NOP2: variants seen among roughly 807,000 people sequenced by gnomAD.
NOP2 encodes NOP2 nucleolar protein.
In NOP2, 7 loss-of-function variants were observed where a neutral mutation model predicts 72.7. The observed-to-expected ratio is 0.10, with a 90% confidence interval of 0.05 to 0.18. The LOEUF is 0.18. NOP2 is among the 10% of genes least tolerant of loss of function. The pLI is 1.00. For missense variants in NOP2, 954 were observed against 1,014.7 expected, an observed-to-expected ratio of 0.94 and a Z score of 0.81; for synonymous variants, 387 against 388.0, an observed-to-expected ratio of 1.00 and a Z score of 0.03.
At position 6,557,289 on chromosome 12, in the gene NOP2, T is replaced by C. The variant is rs566938099; in HGVS notation, c.2143A>G (p.Arg715Gly). 10 of 1,614,036 alleles carry C rather than the reference T, an allele frequency of 6.2e-6. No individual in the cohort carries two copies. The South Asian group carries it at 9.9e-5, about 16-fold the overall frequency. The change falls in exon 16 of 16, where the codon AGG (arginine) becomes GGG (glycine). Residue 715 changes from arginine (R) to glycine (G), a missense_variant. This residue lies in a region of NOP2 where 269 missense variants were observed against 260.2 expected (regional missense o/e 1.03). Coordinates refer to ENST00000322166, the MANE Select transcript of NOP2 (RefSeq NM_001258308.2). The part of the protein sequence containing the change: ...LQSSKKVAFL[R>G]QNAPPKGTDT... ...GTGCCCTTGGGAGGGGCATTCTGCC[T>C]GAGGAAAGCAACTTTCTTGGAGGAC...
At chr12:6,564,069 G>A (rs1947716960) in intron 5 of NOP2, 123 bp from the exon 6 acceptor site, 24 of 1,533,034 alleles carry the variant, frequency 1.6e-5, no homozygotes, top group Non-Finnish European at 2.0e-5. Context: ...GAAGGAAATA[G>A]AGGAGCAAAG....
At chr12:6,558,162 A>AAAAAAAAAAAAAAC (rs1947551536) in intron 15 of NOP2, 1 of 394,838 alleles carries the variant, frequency 2.5e-6, no homozygotes. Context: ...AAAAAAAAAA[A>AAAAAAAAAAAAAAC]AAATCACTGC....
At chr12:6,564,800 T>C (rs1023391818) in intron 5 of NOP2, among the ~76,000 whole-genome samples, 2 of 152,122 alleles carry the variant, frequency 1.3e-5, no homozygotes, top group African/African-American at 2.4e-5. Flanking sequence ...GTTTGTTTCT[T>C]GCTTTTTAGA....
chr12:6,557,996 C>A, intron 15 of NOP2: 3 of 338,776 alleles, frequency 8.9e-6, no homozygotes, highest in South Asian at 2.3e-5. Context: ...CAAAAATTAG[C>A]CAGGGATGGT....
intron 15 of NOP2, among the ~76,000 whole-genome samples, chr12:6,558,525 A>G (rs573610609): frequency 3.3e-5 from 5 of 152,040 alleles, no homozygotes; most frequent in South Asian, 4.2e-4. Context: ...TCAGCCACCC[A>G]AAGTGCTGGG....
In NOP2 at chr12:6,560,903, C is replaced by A; in HGVS notation, c.1347+28G>T. 1 of 1,613,204 alleles carries A rather than the reference C, an allele frequency of 6.2e-7. No individual in the cohort carries two copies. Among genetic ancestry groups the A allele is most frequent in the Non-Finnish European group, 8.5e-7 (1 of 1,179,444 alleles). On this transcript the variant is annotated intron_variant, in intron 12 of 15. Coordinates refer to ENST00000322166, the MANE Select transcript of NOP2 (RefSeq NM_001258308.2). This position sits in a 1 kb window ranked among gnomAD's most constrained non-coding sequence, Gnocchi z 5.0. ...AGGGAGAAGGTCAACCGGAAGAAGC[C>A]TCAGAAGACACACAGCTCGAGTCTC...
chr12:6,567,947 G>A (rs779498640), intron 1 of NOP2, 25 bp from the exon 2 acceptor site: 3 of 1,581,944 alleles, frequency 1.9e-6, no homozygotes, highest in Non-Finnish European at 2.6e-6. Context: ...AATGGGAGAA[G>A]GTGGCGTCGC....
Position 6,560,495 on chromosome 12 carries a change from C to T in NOP2, c.1512G>A (p.Ala504=), listed in dbSNP as rs530290213. ...LLLSAIDSVN[A]TSKTGGYLVY... ...CCAGGTAGCCTCCTGTCTTGGAGGT[C>T]GCATTGACAGAGTCAATAGCACTCA... The change falls in exon 14 of 16, where the codon GCG becomes GCA. Residue 504 remains alanine (A), a synonymous_variant. Transcript: ENST00000322166. This position sits in a 1 kb window ranked among gnomAD's most constrained non-coding sequence, Gnocchi z 5.0. 8.1e-6 allele frequency: 13 copies of T among 1,605,436 alleles called. No individual in the cohort carries two copies. The highest frequency in any genetic ancestry group is 5.1e-5 in the Admixed American group (3 of 58,796).
chr12:6,567,402 C>G (rs1231718327), intron 2 of NOP2: 2 of 214,246 alleles, frequency 9.3e-6, no homozygotes, highest in Non-Finnish European at 1.9e-5. Context: ...TACTACTACT[C>G]GGCATGAAGC....
chr12:6,560,574 C>G lies in NOP2; in HGVS notation c.1438-5G>C, dbSNP rs1156265067. 1 of 1,596,786 alleles carries G rather than the reference C, an allele frequency of 6.3e-7. No homozygotes were observed. Among genetic ancestry groups the G allele is most frequent in the Non-Finnish European group, 8.5e-7 (1 of 1,169,636 alleles). On this transcript the variant is annotated splice_region_variant and splice_polypyrimidine_tract_variant and intron_variant, in intron 13 of 15. Transcript: ENST00000322166. The surrounding 1 kb of genome is among the most constrained non-coding windows in gnomAD (Gnocchi z 5.0). ...GCGCAGGATGTCCTTCTCATCCTGT[C>G]CCAAAAAGAGACCCAAAGGCAGCCT...
chr12:6,564,079 G>C (rs1219879452), intron 5 of NOP2, 133 bp from the exon 6 acceptor site: 2 of 1,529,974 alleles, frequency 1.3e-6, no homozygotes, highest in Non-Finnish European at 1.7e-6. Flanking sequence ...GAGGAGCAAA[G>C]AAATGAAAAT....
intron 2 of NOP2, among the ~76,000 whole-genome samples, chr12:6,567,244 C>T (rs1176843613): frequency 2.0e-5 from 3 of 152,186 alleles, no homozygotes; most frequent in Non-Finnish European, 4.4e-5. Context: ...TCTCACAGGA[C>T]TCTAAGATGA....
intron 5 of NOP2, among the ~76,000 whole-genome samples, chr12:6,565,250 C>T (rs1318606728): frequency 6.6e-6 from 1 of 151,678 alleles, no homozygotes; most frequent in Non-Finnish European, 1.5e-5. Flanking sequence ...ACCTCCCAAG[C>T]TCCAGTCATC....
At chr12:6,561,136 C>T in intron 11 of NOP2, 66 bp from the exon 12 acceptor site, 1 of 1,583,154 alleles carries the variant, frequency 6.3e-7, no homozygotes, top group African/African-American at 1.3e-5. Flanking sequence ...CTCCCACCCT[C>T]CTGTCCAGGA....
In NOP2 at chr12:6,563,740, C is replaced by T. The variant is rs1380791569; in HGVS notation, c.562G>A (p.Glu188Lys). ...IQWSEEETED[E>K]EEEKEVTPES... ...GGGGTCACTTCTTTCTCTTCCTCCT[C>T]GTCCTCGGTCTCCTCTTCACTCCAC... Residue 188 changes from glutamate to lysine, a missense_variant, in exon 7 of 16, where the codon GAG becomes AAG. Around this residue, in one of 3 missense-constraint regions of NOP2, gnomAD observed 498 missense variants for 478.3 expected, o/e 1.04. Coordinates refer to ENST00000322166, the MANE Select transcript of NOP2 (RefSeq NM_001258308.2). 1.9e-6 allele frequency: 3 copies of T among 1,613,050 alleles called. No individual in the cohort carries two copies. The highest frequency in any genetic ancestry group is 2.2e-5 in the East Asian group (1 of 44,884).
intron 11 of NOP2, among the ~76,000 whole-genome samples, chr12:6,561,447 A>G (rs1947647431): frequency 6.6e-6 from 1 of 152,246 alleles, no homozygotes; most frequent in Non-Finnish European, 1.5e-5. Flanking sequence ...CACAATTACC[A>G]TCCCATTTTA....
chr12:6,566,677 C>A, intron 3 of NOP2, 60 bp from the exon 4 acceptor site: 1 of 1,595,752 alleles, frequency 6.3e-7, no homozygotes, highest in Non-Finnish European at 8.6e-7. Flanking sequence ...CAGGCTCTGC[C>A]ATTTCCACCA....
chr12:6,563,389 T>C lies in NOP2; in HGVS notation c.814A>G (p.Lys272Glu). Residue 272 changes from lysine (K) to glutamate (E), a missense_variant, in exon 8 of 16, where the codon AAG becomes GAG. This residue lies in a region of NOP2 where 498 missense variants were observed against 478.3 expected (regional missense o/e 1.04). Transcript: ENST00000322166. ...TAGGAGTAGTAAATGGCCAGATCCT[T>C]CTTGAGCCGGTTCAGGTATTCAGAA... Reference protein sequence around the residue: ...SRSEYLNRLKKDLAIYYSYGD... With the variant: ...SRSEYLNRLKEDLAIYYSYGD... The C allele has an allele frequency of 6.2e-7, 1 of 1,605,778 alleles. No homozygotes were observed. The highest frequency in any genetic ancestry group is 8.5e-7 in the Non-Finnish European group (1 of 1,176,144).
intron 8 of NOP2, 47 bp downstream of exon 8, chr12:6,563,268 G>A (rs1279100583): frequency 1.3e-6 from 2 of 1,555,262 alleles, no homozygotes; most frequent in African/African-American, 2.7e-5. Context: ...CACAGCGTAA[G>A]GAGGCGAGAA....
Sources: gnomAD v4.1 joint callset for allele counts (sites outside exome capture counted in the v4.1 genomes callset) on GRCh38, gnomAD v4.1.1 for gene constraint, gnomAD v4.1.1 regional missense constraint, Gnocchi (gnomAD v3.1) non-coding constraint, MANE v1.5 for transcripts, NCBI Gene and HGNC (gene_info 2026-07-23, HGNC 2026-07-21) for gene names.